Variants in ELF1 observed in about 807,000 individuals in gnomAD.
ELF1 encodes ETS-related transcription factor Elf-1.
In ELF1, 24 loss-of-function variants were observed where a neutral mutation model predicts 59.9. That is an observed-to-expected ratio of 0.40 (90% confidence interval 0.29 to 0.56). The LOEUF (loss-of-function observed/expected upper bound fraction) is 0.56. Ranked by LOEUF, ELF1 falls within the 20% of genes least tolerant of loss-of-function variation. The pLI is 0.44. For synonymous variants in ELF1, 248 were observed against 266.2 expected (o/e 0.93, Z 0.67); for missense variants, 627 against 742.2 (o/e 0.84, Z 1.80).
At position 41,035,534 on chromosome 13, in the gene ELF1, C is replaced by T. The variant is rs571106883; in HGVS notation, c.-229+25304G>A. On this transcript the variant is annotated intron_variant, in intron 1 of 1. Coordinates refer to the ELF1 transcript ENST00000405737. ...CCTGACTTAATCTAAATTCTCTGAA[C>T]AGCTGGGTTAGGATGGGTATGGTAG... Among the ~76,000 whole-genome samples the T allele has an allele frequency of 4.9e-4, 74 of 152,026 alleles. 1 individual carries two copies. Among genetic ancestry groups the T allele is most frequent in the Admixed American group, 4.1e-3 (62 of 15,248 alleles).
chr13:41,000,237 CTTTTTTTTTTTTTT>C lies in ELF1; in HGVS notation c.-228-17969_-228-17956del, dbSNP rs55938711. On this transcript the variant is annotated intron_variant, in intron 1 of 8. Transcript: ENST00000239882. The stretch of plus-strand genomic sequence containing the variant: ...CCAAATGAGGCTGCATTGAACCTGG[CTTTTTTTTTTTTTT>C]TTTTTTTTTTTTTTTTTGAGACAGA... Among the ~76,000 whole-genome samples the C allele has an allele frequency of 6.8e-3, 372 of 54,782 alleles. 8 individuals are homozygous for C. The East Asian group carries it at 0.12, about 18-fold the overall frequency. 35.9% of individuals were successfully genotyped at this position (54,782 alleles called of 152,430 possible). A position where few individuals can be genotyped will look rare whatever the true frequency, so the allele number is the denominator to read the frequency against.
chr13:41,053,102 T>A (rs1426038127), intron 1 of ELF1, among the ~76,000 whole-genome samples: 1 of 152,074 alleles, frequency 6.6e-6, no homozygotes, highest in Non-Finnish European at 1.5e-5. Context: ...GCCTGTAATC[T>A]CAGCACTTTG....
rs1419170703 is a variant in ELF1 at position 41,056,670 on chromosome 13, TC to T, written c.-229+4167del. Among the ~76,000 whole-genome samples, 3 of 152,204 alleles carry T rather than the reference TC, an allele frequency of 2.0e-5. No individual in the cohort carries two copies. The East Asian group carries it at 5.8e-4, about 29-fold the overall frequency. On this transcript the variant is annotated intron_variant, in intron 1 of 1. Transcript: ENST00000405737. ...AGAACAAGAACGATCTCATATGATA[TC>T]CTTGCCTTCAGGGAACTTATATTGA...
At chr13:41,013,399 A>G (rs909118138) in intron 1 of ELF1, among the ~76,000 whole-genome samples, 1 of 152,234 alleles carries the variant, frequency 6.6e-6, no homozygotes, top group African/African-American at 2.4e-5. Flanking sequence ...CAAACAATGG[A>G]ATACTATATT....
chr13:40,979,329 A>T (rs1340775967), intron 2 of ELF1, among the ~76,000 whole-genome samples: 1 of 152,172 alleles, frequency 6.6e-6, no homozygotes, highest in East Asian at 1.9e-4. Context: ...TCTCACAGCA[A>T]TCCTATAACT....
chr13:41,019,653 GA>G (rs1361475231), upstream of ELF1, among the ~76,000 whole-genome samples: 3 of 152,110 alleles, frequency 2.0e-5, no homozygotes, highest in Admixed American at 2.0e-4. Context: ...ATAAAACTGT[GA>G]AAGGAAAAAA....
intron 1 of ELF1, among the ~76,000 whole-genome samples, chr13:41,033,360 T>C (rs947429746): frequency 1.3e-5 from 2 of 152,238 alleles, no homozygotes; most frequent in African/African-American, 4.8e-5. Context: ...CTTAAATTAC[T>C]TGTTATAGTG....
At chr13:40,948,462 C>T (rs893387572) in intron 5 of ELF1, among the ~76,000 whole-genome samples, 22 of 152,194 alleles carry the variant, frequency 1.4e-4, no homozygotes, top group African/African-American at 4.8e-4. Context: ...CAGAGCCCCT[C>T]GGCATATCCT....
At chr13:41,043,131 G>A (rs58469235) in intron 1 of ELF1, among the ~76,000 whole-genome samples, 5,508 of 152,136 alleles carry the variant, frequency 0.036, 240 homozygotes, top group East Asian at 0.2. Context: ...CATATCCTTC[G>A]CCCACTTTTT....
intron 2 of ELF1, among the ~76,000 whole-genome samples, 176 bp from the exon 3 acceptor site, chr13:40,959,192 T>C (rs1438932490): frequency 6.6e-6 from 1 of 152,124 alleles, no homozygotes; most frequent in Non-Finnish European, 1.5e-5. Flanking sequence ...AACCAAATAA[T>C]GGCATTAAAA....
chr13:41,021,409 G>T (rs1480786379), upstream of ELF1, among the ~76,000 whole-genome samples: 1 of 152,092 alleles, frequency 6.6e-6, no homozygotes. Context: ...CTGCCCAGGG[G>T]TATCCCTATT....
chr13:41,048,322 G>A (rs569426183), intron 1 of ELF1, among the ~76,000 whole-genome samples: 92 of 152,308 alleles, frequency 6.0e-4, no homozygotes, highest in African/African-American at 2.1e-3. Flanking sequence ...AGATGAACCC[G>A]GTACCTCAGT....
At chr13:40,991,151 A>C (rs1873833127) in intron 1 of ELF1, among the ~76,000 whole-genome samples, 1 of 152,236 alleles carries the variant, frequency 6.6e-6, no homozygotes, top group Non-Finnish European at 1.5e-5. Flanking sequence ...AACTGTCATC[A>C]AAAACAAGGA....
chr13:40,971,029 C>T (rs1199561146), intron 2 of ELF1, among the ~76,000 whole-genome samples: 1 of 152,100 alleles, frequency 6.6e-6, no homozygotes, highest in African/African-American at 2.4e-5. Context: ...ACTAGTCACC[C>T]AGCCAGAAAA....
chr13:41,043,421 G>A (rs1593410029), intron 1 of ELF1, among the ~76,000 whole-genome samples: 1 of 152,016 alleles, frequency 6.6e-6, no homozygotes, highest in African/African-American at 2.4e-5. Context: ...TTTCTTCTAG[G>A]GTTTTTATGG....
chr13:41,048,352 C>T (rs142899012), intron 1 of ELF1, among the ~76,000 whole-genome samples: 1,944 of 152,328 alleles, frequency 0.013, 46 homozygotes, highest in African/African-American at 0.044. Context: ...AGAAATCACC[C>T]GTCTTCTGCG....
chr13:40,979,080 T>C (rs763060384), intron 2 of ELF1, among the ~76,000 whole-genome samples: 2 of 151,900 alleles, frequency 1.3e-5, no homozygotes, highest in African/African-American at 2.4e-5. Context: ...TATGTCCACG[T>C]AACACAGACT....
chr13:41,009,225 AAGCTCTTTGGG>A (rs1400770217), intron 1 of ELF1, among the ~76,000 whole-genome samples: 1 of 152,136 alleles, frequency 6.6e-6, no homozygotes, highest in Admixed American at 6.6e-5. Flanking sequence ...ACATGAACCA[AAGCTCTTTGGG>A]AGCCTCAATT....
At chr13:40,996,600 AAGTGACAAAGTGTC>A (rs1205731001) in intron 1 of ELF1, among the ~76,000 whole-genome samples, 3 of 152,182 alleles carry the variant, frequency 2.0e-5, no homozygotes, top group Admixed American at 2.0e-4. Context: ...TATGAACTTC[AAGTGACAAAGTGTC>A]AGTGTAGGTT....
Sources: gnomAD v4.1 joint callset for allele counts (sites outside exome capture counted in the v4.1 genomes callset) on GRCh38, gnomAD v4.1.1 for gene constraint, MANE v1.5 for transcripts, NCBI Gene and HGNC (gene_info 2026-07-23, HGNC 2026-07-21) for gene names.